Variants in OR56A3 observed in about 807,000 individuals in gnomAD.
OR56A3 encodes the protein olfactory receptor 56A3.
OR56A3 carries 23 observed loss-of-function variants against 17.5 expected under a neutral mutation model. That is an observed-to-expected ratio of 1.32 (90% CI 0.95 to 1.87). The LOEUF (loss-of-function observed/expected upper bound fraction) is 1.87. Ranked by LOEUF, OR56A3 falls within the 40% of genes most tolerant of loss-of-function variation. The pLI is 0.00. For synonymous variants in OR56A3, 175 were observed against 150.6 expected (o/e 1.16, Z -1.19); for missense variants, 366 against 380.1 (o/e 0.96, Z 0.31).
At chr11:6,000,629 A>T in the OR56A3 span, 4 of 152,190 alleles carry the variant, frequency 2.6e-5, no homozygotes, top group Non-Finnish European at 4.4e-5. Flanking sequence ...AATAAAAAAT[A>T]AAAAAACCTG....
At chr11:5,946,105 G>T (rs1186241988) in intron 2 of OR56A3, among the ~76,000 whole-genome samples, 1 of 152,146 alleles carries the variant, frequency 6.6e-6, no homozygotes, top group Non-Finnish European at 1.5e-5. Flanking sequence ...CTTTCTATGG[G>T]CTGTCTTTCA....
At chr11:5,958,440 A>G in the OR56A3 span, among the ~76,000 whole-genome samples, 21 of 152,152 alleles carry the variant, frequency 1.4e-4, 1 homozygote, top group Non-Finnish European at 2.6e-4. Context: ...AATAATGAAT[A>G]TCCTCTACTT....
At chr11:5,965,860 T>G in the OR56A3 span, among the ~76,000 whole-genome samples, 1 of 152,224 alleles carries the variant, frequency 6.6e-6, no homozygotes, top group African/African-American at 2.4e-5. Context: ...AAGAGTGGTG[T>G]TGTTTTTTAT....
chr11:5,972,584 C>G, the OR56A3 span, among the ~76,000 whole-genome samples: 4 of 152,204 alleles, frequency 2.6e-5, no homozygotes, highest in African/African-American at 9.7e-5. Context: ...GTTCCTCACA[C>G]TGTCCCATCC....
At position 5,950,231 on chromosome 11, in the gene OR56A3, A is replaced by G. The variant is rs898289595; in HGVS notation, c.*1937A>G. 2 of 152,172 alleles carry G rather than the reference A, an allele frequency of 1.3e-5. No individual in the cohort carries two copies. The highest frequency in any genetic ancestry group is 1.5e-5 in the Non-Finnish European group (1 of 67,990). The allele number at this position is 152,172 out of a possible 1,614,324, so 9.4% of individuals were successfully genotyped here. A position where few individuals can be genotyped will look rare whatever the true frequency, so the allele number is the denominator to read the frequency against. ...TCAAGATCACATCGTTTGTATGACA[A>G]ATCCAGATGTCTACAGTAAGCTGTT... On this transcript the variant is annotated 3_prime_UTR_variant, in exon 3 of 3. Coordinates refer to ENST00000641160, the MANE Select transcript of OR56A3 (RefSeq NM_001003443.3).
chr11:6,021,479 G>C, the OR56A3 span: 20 of 151,996 alleles, frequency 1.3e-4, no homozygotes, highest in Non-Finnish European at 5.9e-5. Flanking sequence ...ACTACACGTT[G>C]TATGTAACTT....
At position 5,948,449 on chromosome 11, in the gene OR56A3, T is replaced by G; in HGVS notation, c.*155T>G. ...TCAAAAACATCGGTTTTAATTTAAG[T>G]CTATCTTCCTTTTCACCCTTTTCTC... is the stretch of plus-strand genomic sequence containing the variant. On this transcript the variant is annotated 3_prime_UTR_variant, in exon 3 of 3. Transcript: ENST00000641160. The G allele has an allele frequency of 5.1e-6, 3 of 585,546 alleles. No individual in the cohort carries two copies. Among genetic ancestry groups the G allele is most frequent in the Non-Finnish European group, 9.0e-6 (3 of 332,332 alleles). 36.3% of individuals were successfully genotyped at this position (585,546 alleles called of 1,614,324 possible). A position where few individuals can be genotyped will look rare whatever the true frequency, so the allele number is the denominator to read the frequency against.
At chr11:5,981,019 G>C in the OR56A3 span, among the ~76,000 whole-genome samples, 3 of 152,122 alleles carry the variant, frequency 2.0e-5, no homozygotes, top group Non-Finnish European at 4.4e-5. Flanking sequence ...GAGGTTTTTT[G>C]CTGAAAGAAC....
the OR56A3 span, among the ~76,000 whole-genome samples, chr11:6,017,311 C>A: frequency 6.6e-6 from 1 of 152,132 alleles, no homozygotes; most frequent in Admixed American, 6.5e-5. Flanking sequence ...ATATAGGAAG[C>A]TCAAATATTC....
the OR56A3 span, among the ~76,000 whole-genome samples, chr11:6,014,675 GGCTCAGAAGA>G: frequency 2.0e-5 from 3 of 152,082 alleles, no homozygotes; most frequent in Non-Finnish European, 4.4e-5. Flanking sequence ...GAATGTGGAG[GGCTCAGAAGA>G]CAAGAAGATG....
chr11:5,968,601 AT>A, the OR56A3 span: 1 of 876,204 alleles, frequency 1.1e-6, no homozygotes, highest in Non-Finnish European at 1.7e-6. Context: ...ACATTTTCTA[AT>A]TTATAAAATG....
chr11:5,981,862 G>T, the OR56A3 span, among the ~76,000 whole-genome samples: 1 of 152,058 alleles, frequency 6.6e-6, no homozygotes. Context: ...CGCCCTTAAG[G>T]GTTTCACTGT....
At chr11:5,982,366 T>G in the OR56A3 span, among the ~76,000 whole-genome samples, 5 of 152,134 alleles carry the variant, frequency 3.3e-5, no homozygotes, top group East Asian at 7.7e-4. Flanking sequence ...GGGGGCAGGG[T>G]GCAGGTGAGT....
At chr11:5,967,032 A>G in the OR56A3 span, 1 of 152,654 alleles carries the variant, frequency 6.6e-6, no homozygotes, top group South Asian at 2.1e-4. Flanking sequence ...TCTGTCAAGG[A>G]CAGAGGAGGC....
At chr11:5,977,087 A>T in the OR56A3 span, among the ~76,000 whole-genome samples, 14 of 152,176 alleles carry the variant, frequency 9.2e-5, no homozygotes, top group Admixed American at 9.2e-4. Context: ...GTGTATATGT[A>T]ACACATTTTC....
the OR56A3 span, among the ~76,000 whole-genome samples, chr11:5,982,846 C>T: frequency 6.6e-6 from 1 of 152,120 alleles, no homozygotes; most frequent in Non-Finnish European, 1.5e-5. Flanking sequence ...CCACACATTG[C>T]CTATTTAATT....
chr11:5,943,663 A>G (rs150808388), intron 1 of OR56A3, among the ~76,000 whole-genome samples: 36 of 152,334 alleles, frequency 2.4e-4, no homozygotes, highest in African/African-American at 8.7e-4. Flanking sequence ...TACAAAACTT[A>G]GTAGCATTTC....
chr11:5,986,356 A>G, the OR56A3 span: 1 of 1,613,904 alleles, frequency 6.2e-7, no homozygotes, highest in African/African-American at 1.3e-5. Flanking sequence ...GGCATGGCCT[A>G]TGATGGTGGC....
the OR56A3 span, among the ~76,000 whole-genome samples, chr11:5,980,355 G>A: frequency 6.6e-6 from 1 of 152,102 alleles, no homozygotes; most frequent in Non-Finnish European, 1.5e-5. Context: ...CTTCTTTTAT[G>A]AATGCTCAGT....
Sources: allele counts gnomAD v4.1 joint callset (sites outside exome capture counted in the v4.1 genomes callset), GRCh38; gene constraint gnomAD v4.1.1; transcripts MANE v1.5; gene names NCBI Gene and HGNC (gene_info 2026-07-23, HGNC 2026-07-21).